NRG1: variants seen among roughly 807,000 people sequenced by gnomAD.
NRG1 encodes the protein neuregulin 1.
Under a neutral mutation model 63.8 loss-of-function variants are expected in NRG1, and 18 were observed. The ratio of observed to expected loss-of-function variants is 0.28; its 90% CI spans 0.19 to 0.42. The LOEUF (loss-of-function observed/expected upper bound fraction) is 0.42, where lower values mean the gene tolerates loss of function less well. NRG1 is among the 10% of genes least tolerant of loss of function. The probability of loss-of-function intolerance (pLI) is 1.00; values close to 1 mark genes in which losing one functional copy is unlikely to be tolerated. For synonymous variants in NRG1, 302 were observed against 301.3 expected, an observed-to-expected ratio of 1.00 and a Z score of -0.02; for missense variants, 762 against 814.7, an observed-to-expected ratio of 0.94 and a Z score of 0.79.
chr8:32,427,747 G>C (rs1312349639), intron 1 of NRG1, among the ~76,000 whole-genome samples: 1 of 152,124 alleles, frequency 6.6e-6, no homozygotes, highest in Non-Finnish European at 1.5e-5. Context: ...GTTCTAACGT[G>C]TGCGACAGGA....
At chr8:31,724,162 C>T (rs1218819322) in intron 1 of NRG1, among the ~76,000 whole-genome samples, 3 of 151,976 alleles carry the variant, frequency 2.0e-5, no homozygotes, top group African/African-American at 4.8e-5. Context: ...AAGAAAAGTA[C>T]AAATTGTGTA....
chr8:32,002,059 T>C (rs753771923), intron 1 of NRG1, among the ~76,000 whole-genome samples: 1 of 152,088 alleles, frequency 6.6e-6, no homozygotes, highest in Non-Finnish European at 1.5e-5. Flanking sequence ...AGTCTTACTC[T>C]GTGGGCCATG....
At chr8:32,052,085 TG>T (rs1236727281) in intron 1 of NRG1, among the ~76,000 whole-genome samples, 23 of 151,974 alleles carry the variant, frequency 1.5e-4, no homozygotes, top group African/African-American at 4.6e-4. Context: ...AATGTTGAGT[TG>T]GGGTTTCTAT....
intron 1 of NRG1, among the ~76,000 whole-genome samples, chr8:31,952,383 A>T (rs1298166339): frequency 6.6e-6 from 1 of 152,220 alleles, no homozygotes; most frequent in Non-Finnish European, 1.5e-5. Flanking sequence ...AAGACCAAGA[A>T]GGCTTCAGAG....
chr8:32,338,424 G>T (rs1010078772), intron 1 of NRG1, among the ~76,000 whole-genome samples: 4 of 152,106 alleles, frequency 2.6e-5, no homozygotes, highest in African/African-American at 7.2e-5. Flanking sequence ...ACGATCATAG[G>T]TATAATATTC....
At chr8:32,528,686 G>C (rs964294197) in intron 1 of NRG1, among the ~76,000 whole-genome samples, 1 of 152,016 alleles carries the variant, frequency 6.6e-6, no homozygotes, top group Non-Finnish European at 1.5e-5. Flanking sequence ...AAGGGGGTTT[G>C]GTTCTTGTCA....
At chr8:32,076,469 G>A (rs894846545) in intron 1 of NRG1, among the ~76,000 whole-genome samples, 5 of 152,148 alleles carry the variant, frequency 3.3e-5, no homozygotes, top group African/African-American at 9.7e-5. Flanking sequence ...CATAGTTCAC[G>A]TTGAGTGTTT....
intron 1 of NRG1, among the ~76,000 whole-genome samples, chr8:32,401,353 G>A (rs557136825): frequency 6.6e-6 from 1 of 151,994 alleles, no homozygotes; most frequent in Non-Finnish European, 1.5e-5. Context: ...CTGCAAACGT[G>A]CCCTGCTTTC....
intron 5 of NRG1, among the ~76,000 whole-genome samples, chr8:32,620,347 G>A (rs1045500040): frequency 6.6e-6 from 1 of 152,064 alleles, no homozygotes; most frequent in African/African-American, 2.4e-5. Context: ...AAGCCTCTCT[G>A]AAGTAGTATG....
At chr8:31,903,181 C>G (rs1258433338) in intron 1 of NRG1, among the ~76,000 whole-genome samples, 1 of 132,672 alleles carries the variant, frequency 7.5e-6, no homozygotes, top group Admixed American at 8.5e-5. Context: ...TGGAATCTCA[C>G]TCTGTTGCCC....
At chr8:32,488,136 T>C (rs1293417005) in intron 1 of NRG1, among the ~76,000 whole-genome samples, 1 of 152,230 alleles carries the variant, frequency 6.6e-6, no homozygotes, top group East Asian at 1.9e-4. Flanking sequence ...ATCTCAGACC[T>C]TGTTTCTAGT....
intron 1 of NRG1, among the ~76,000 whole-genome samples, chr8:31,856,541 C>T (rs553140573): frequency 6.6e-6 from 1 of 152,184 alleles, no homozygotes; most frequent in African/African-American, 2.4e-5. Flanking sequence ...TTTTCAACTT[C>T]TTTGCCTTTG....
At chr8:32,659,171 G>A (rs1802248372) in intron 5 of NRG1, among the ~76,000 whole-genome samples, 1 of 139,174 alleles carries the variant, frequency 7.2e-6, no homozygotes, top group African/African-American at 2.6e-5. Flanking sequence ...TTGAGACAGA[G>A]TCTTGCTCTG....
intron 1 of NRG1, among the ~76,000 whole-genome samples, chr8:32,121,008 G>T (rs780247931): frequency 1.4e-4 from 22 of 151,960 alleles, no homozygotes; most frequent in Non-Finnish European, 2.6e-4. Flanking sequence ...TTACACAACT[G>T]CAGATGCTGG....
intron 1 of NRG1, among the ~76,000 whole-genome samples, chr8:32,177,238 A>G (rs1840873388): frequency 6.6e-6 from 1 of 151,516 alleles, no homozygotes; most frequent in Non-Finnish European, 1.5e-5. Flanking sequence ...ACAAAGAACC[A>G]AACACCACAT....
chr8:32,111,289 G>A (rs1356659986), intron 1 of NRG1, among the ~76,000 whole-genome samples: 2 of 152,004 alleles, frequency 1.3e-5, no homozygotes, highest in Non-Finnish European at 2.9e-5. Context: ...GCTAATTTTT[G>A]TATTTTTAGT....
At chr8:32,074,819 G>A (rs1826244105) in intron 1 of NRG1, among the ~76,000 whole-genome samples, 1 of 152,100 alleles carries the variant, frequency 6.6e-6, no homozygotes, top group South Asian at 2.1e-4. Context: ...ACAAATTATT[G>A]ACTAATTATG....
intron 1 of NRG1, among the ~76,000 whole-genome samples, chr8:32,320,451 AG>A (rs1359555754): frequency 6.6e-6 from 1 of 152,162 alleles, no homozygotes; most frequent in African/African-American, 2.4e-5. Context: ...TGGTTCTACA[AG>A]TTGTACTAGA....
At chr8:32,266,473 G>A (rs1850947033) in intron 1 of NRG1, among the ~76,000 whole-genome samples, 1 of 152,136 alleles carries the variant, frequency 6.6e-6, no homozygotes, top group Non-Finnish European at 1.5e-5. Context: ...AACTGTCATG[G>A]ATTTTCTATC....
Sources: gnomAD v4.1 joint callset for allele counts (sites outside exome capture counted in the v4.1 genomes callset) on GRCh38, gnomAD v4.1.1 for gene constraint, MANE v1.5 for transcripts, NCBI Gene and HGNC (gene_info 2026-07-23, HGNC 2026-07-21) for gene names.